UBE3B: variants seen among roughly 807,000 people sequenced by gnomAD.
The protein encoded by UBE3B is ubiquitin protein ligase E3B, also known as ubiquitin-protein ligase E3B.
A neutral mutation model predicts 132.3 loss-of-function variants in UBE3B; 80 were observed. The observed-to-expected ratio is 0.60, with a 90% CI of 0.50 to 0.73. The LOEUF is 0.73. Ranked by LOEUF, UBE3B falls within the 30% of genes least tolerant of loss-of-function variation. UBE3B has a pLI of 0.00. For synonymous variants in UBE3B, 487 were observed against 520.4 expected (o/e 0.94, Z 0.87); for missense variants, 1,196 against 1,362.5 (o/e 0.88, Z 1.92).
chr12:109,530,794 C>T lies in UBE3B; in HGVS notation c.2922+136C>T, dbSNP rs574586129. 375 of 850,076 alleles carry T rather than the reference C, an allele frequency of 4.4e-4. 6 individuals carry two copies. The South Asian group carries it at 5.9e-3, about 13-fold the overall frequency. The allele number at this position is 850,076 out of a possible 1,614,324, so 52.7% of individuals were successfully genotyped here. A position where few individuals can be genotyped will look rare whatever the true frequency, so the allele number is the denominator to read the frequency against. ...TAGTCAGCACATCCTCTCCCACAGGCAGGCCTCCCGGTAGGCCAAGCAGTA... is the reference window on the plus strand; with the variant it reads ...TAGTCAGCACATCCTCTCCCACAGGTAGGCCTCCCGGTAGGCCAAGCAGTA... On this transcript the variant is annotated intron_variant, in intron 26 of 27. Transcript: ENST00000342494.
At chr12:109,524,344 C>A in intron 22 of UBE3B, 94 bp from the exon 23 acceptor site, 2 of 1,480,852 alleles carry the variant, frequency 1.4e-6, no homozygotes, top group Non-Finnish European at 1.8e-6. Context: ...CATGGGTGTT[C>A]CCAGCACCAA....
At chr12:109,498,959 G>A (rs1168316993) in intron 11 of UBE3B, among the ~76,000 whole-genome samples, 1 of 151,798 alleles carries the variant, frequency 6.6e-6, no homozygotes, top group African/African-American at 2.4e-5. Context: ...CTGAGTAGCT[G>A]GGACTACAAG....
intron 4 of UBE3B, 128 bp from the exon 5 acceptor site, chr12:109,485,884 T>C (rs902219073): frequency 3.2e-6 from 3 of 949,638 alleles, no homozygotes; most frequent in Non-Finnish European, 4.7e-6. Flanking sequence ...AGGAACTGCA[T>C]GTGATTATGT....
rs201620860 is a variant in UBE3B at position 109,483,673 on chromosome 12, G to A, written c.122G>A (p.Arg41Gln). The A allele has an allele frequency of 1.6e-4, 253 of 1,611,490 alleles. 1 individual carries two copies. Among genetic ancestry groups the A allele is most frequent in the Admixed American group, 8.4e-5 (5 of 59,342 alleles). ...GCTGTTGTGATCCAGGCCCATGTCC[G>A]GAGTTTTCTCTGTCGGAGTCGACTG... The part of the protein sequence containing the change: ...RAAVVIQAHV[R>Q]SFLCRSRLQR... Residue 41 changes from arginine (R) to glutamine (Q), a missense_variant, in exon 3 of 28, where the codon CGG becomes CAG. Arg to Gln is a conservative substitution (Grantham distance 43). Transcript: ENST00000342494.
chr12:109,516,457 G>C (rs140112589), intron 18 of UBE3B, among the ~76,000 whole-genome samples: 1 of 152,094 alleles, frequency 6.6e-6, no homozygotes, highest in Non-Finnish European at 1.5e-5. Flanking sequence ...GATTACAGGC[G>C]TGAGCCCCCA....
At chr12:109,539,787 C>T (rs961499247), downstream of UBE3B, among the ~76,000 whole-genome samples, 9 of 152,074 alleles carry the variant, frequency 5.9e-5, no homozygotes, top group African/African-American at 2.2e-4. Context: ...TCGCTCAGCC[C>T]CTGGTGTGCA....
At chr12:109,545,730 A>T in the UBE3B span, among the ~76,000 whole-genome samples, 1 of 152,108 alleles carries the variant, frequency 6.6e-6, no homozygotes, top group Admixed American at 6.5e-5. Flanking sequence ...CGCTGCCTCC[A>T]CTGCTTGTCC....
chr12:109,538,841 G>T (rs776802245), downstream of UBE3B, among the ~76,000 whole-genome samples: 2 of 152,226 alleles, frequency 1.3e-5, no homozygotes, highest in Non-Finnish European at 2.9e-5. This position sits in a 1 kb window ranked among gnomAD's most constrained non-coding sequence, Gnocchi z 4.1. Context: ...GTGCCTTTCA[G>T]CCAGAAGGAT....
chr12:109,501,559 C>A (rs773916402), intron 13 of UBE3B, 25 bp downstream of exon 13: 5 of 1,601,256 alleles, frequency 3.1e-6, no homozygotes, highest in Non-Finnish European at 4.3e-6. Flanking sequence ...CAGGCCCAAC[C>A]CTGTAGCTCC....
chr12:109,483,699 C>T lies in UBE3B; in HGVS notation c.148C>T (p.Gln50Ter). 6.2e-7 allele frequency: 1 copy of T among 1,604,570 alleles called. No homozygotes were observed. The highest frequency in any genetic ancestry group is 8.5e-7 in the Non-Finnish European group (1 of 1,176,070). Residue 50 changes from glutamine to a stop codon, truncating the protein, a stop_gained, in exon 3 of 28, where the codon CAG becomes TAG. Coordinates refer to ENST00000342494, the MANE Select transcript of UBE3B (RefSeq NM_130466.4). LOFTEE classifies it high-confidence loss of function. ...GAGTTTTCTCTGTCGGAGTCGACTGCAGAGAGATATCAGGTAAGGGCTAGG... is the reference window on the plus strand; with the variant it reads ...GAGTTTTCTCTGTCGGAGTCGACTGTAGAGAGATATCAGGTAAGGGCTAGG... ...VRSFLCRSRLQRDIRREIDDF... is the reference protein window; with the variant it reads ...VRSFLCRSRL
Position 109,503,144 on chromosome 12 carries a change from G to C in UBE3B, c.1404G>C (p.Gln468His). 1 of 1,614,188 alleles carries C rather than the reference G, an allele frequency of 6.2e-7. No individual in the cohort carries two copies. Among genetic ancestry groups the C allele is most frequent in the East Asian group, 2.2e-5 (1 of 44,890 alleles). Residue 468 changes from glutamine (Q) to histidine (H), a missense_variant, in exon 14 of 28, where the codon CAG (glutamine) becomes CAC (histidine). Transcript: ENST00000342494. ...TTTGCAACATCTGTGTCCTCTACCAGACCTCGCTGACAACTCTCACACAGA... is the reference window on the plus strand; with the variant it reads ...TTTGCAACATCTGTGTCCTCTACCACACCTCGCTGACAACTCTCACACAGA... ...QKVCNICVLY[Q>H]TSLTTLTQIR...
At chr12:109,494,007 G>GT (rs1877836890) in intron 9 of UBE3B, among the ~76,000 whole-genome samples, 2 of 152,140 alleles carry the variant, frequency 1.3e-5, no homozygotes, top group South Asian at 4.2e-4. Context: ...TAAAATTTTT[G>GT]TAGAGACAGG....
At chr12:109,507,869 T>G (rs1338645448) in intron 15 of UBE3B, 134 bp downstream of exon 15, 1 of 1,067,338 alleles carries the variant, frequency 9.4e-7, no homozygotes, top group Non-Finnish European at 1.4e-6. Context: ...TTGTAAGAAC[T>G]AGCCATTTAC....
At chr12:109,495,894 G>GCATCACGGC (rs1216334616) in intron 9 of UBE3B, among the ~76,000 whole-genome samples, 1 of 152,206 alleles carries the variant, frequency 6.6e-6, no homozygotes, top group Non-Finnish European at 1.5e-5. Flanking sequence ...CTGGCCGTGG[G>GCATCACGGC]CATCACGGCC....
At chr12:109,490,565 A>C (rs1328334317) in intron 8 of UBE3B, 1 of 1,535,972 alleles carries the variant, frequency 6.5e-7, no homozygotes, top group Non-Finnish European at 8.7e-7. Context: ...CGTTGGCAGA[A>C]GCTGGTATGA....
At chr12:109,518,985 A>G (rs1195669523) in intron 19 of UBE3B, among the ~76,000 whole-genome samples, 2 of 152,096 alleles carry the variant, frequency 1.3e-5, no homozygotes, top group African/African-American at 4.8e-5. Context: ...TCTCCTGGGC[A>G]TTGTTTCCTT....
chr12:109,510,574 G>T, intron 17 of UBE3B, 116 bp downstream of exon 17: 1 of 812,012 alleles, frequency 1.2e-6, no homozygotes, highest in Non-Finnish European at 2.0e-6. Context: ...GCTTCATTTT[G>T]TCTGTTCATT....
downstream of UBE3B, among the ~76,000 whole-genome samples, chr12:109,539,870 C>T (rs569956581): frequency 3.9e-5 from 6 of 152,182 alleles, no homozygotes; most frequent in South Asian, 2.1e-4. Context: ...CTCCTCCACC[C>T]GGGGACCAGC....
intron 6 of UBE3B, 23 bp downstream of exon 6, chr12:109,486,598 A>AAAAAAAC: frequency 1.3e-6 from 2 of 1,509,278 alleles, no homozygotes; most frequent in Non-Finnish European, 1.8e-6. Flanking sequence ...AAAAAAAAAA[A>AAAAAAAC]AAAAAGCAAA....
Sources: allele counts gnomAD v4.1 joint callset (sites outside exome capture counted in the v4.1 genomes callset), GRCh38; gene constraint gnomAD v4.1.1; non-coding constraint Gnocchi (gnomAD v3.1); transcripts MANE v1.5; gene names NCBI Gene and HGNC (gene_info 2026-07-23, HGNC 2026-07-21).